CRAT: variants seen among roughly 807,000 people sequenced by gnomAD.
CRAT encodes the protein carnitine O-acetyltransferase, also known as carnitine acetylase.
A neutral mutation model predicts 73.7 loss-of-function variants in CRAT; 66 were observed. The observed-to-expected ratio is 0.90, with a 90% CI of 0.73 to 1.10. The LOEUF is 1.10. Among genes scored for constraint, CRAT ranks in the 50% least tolerant of loss-of-function variants. The pLI is 0.00. For synonymous variants in CRAT, 321 were observed against 343.2 expected (o/e 0.94, Z 0.71); for missense variants, 745 against 846.9 (o/e 0.88, Z 1.49).
chr9:129,109,143 C>T (rs1417473721), intron 1 of CRAT: 10 of 1,303,776 alleles, frequency 7.7e-6, no homozygotes, highest in Admixed American at 4.6e-5. Context: ...GGGCTCAGTG[C>T]CAGGGAGTCA....
chr9:129,108,240 C>T (rs1421746178), intron 1 of CRAT, among the ~76,000 whole-genome samples, 163 bp from the exon 2 acceptor site: 1 of 152,142 alleles, frequency 6.6e-6, no homozygotes, highest in African/African-American at 2.4e-5. Context: ...TAGGTGTCCC[C>T]GCCTCTCTGG....
intron 1 of CRAT, chr9:129,108,664 G>T: frequency 7.9e-7 from 1 of 1,260,418 alleles, no homozygotes; most frequent in Non-Finnish European, 1.0e-6. Context: ...GGCAGAGAGA[G>T]AAAGAGAAAG....
chr9:129,100,628 A>G lies in CRAT; in HGVS notation c.867T>C (p.Asp289=), dbSNP rs756771838. The G allele has an allele frequency of 1.1e-5, 17 of 1,613,962 alleles. No homozygotes were observed. Among genetic ancestry groups the G allele is most frequent in the Non-Finnish European group, 1.4e-5 (17 of 1,179,986 alleles). ...CTTCTGAGACCCTGGGCATGGTTGC[A>G]TCTAGGCACACGGTGAAGATGCTCT... ...IQKSIFTVCL[D]ATMPRVSEDV... Residue 289 remains aspartate (D), a synonymous_variant, in exon 7 of 14, where the codon GAT becomes GAC. Coordinates refer to ENST00000318080, the MANE Select transcript of CRAT (RefSeq NM_000755.5).
chr9:129,101,413 C>T (rs767884216), intron 6 of CRAT, among the ~76,000 whole-genome samples: 9 of 152,150 alleles, frequency 5.9e-5, no homozygotes, highest in Admixed American at 1.3e-4. Flanking sequence ...ATGCTCAGAG[C>T]GAGACCCGCT....
intron 11 of CRAT, among the ~76,000 whole-genome samples, chr9:129,097,611 A>T (rs746792026): frequency 4.4e-4 from 67 of 152,024 alleles, no homozygotes; most frequent in Non-Finnish European, 8.5e-4. Context: ...TGGGAGGCTG[A>T]GGCAGGAGGA....
At position 129,103,894 on chromosome 9, in the gene CRAT, C is replaced by T. The variant is rs896588773; in HGVS notation, c.410+294G>A. On this transcript the variant is annotated intron_variant, in intron 3 of 13. Transcript: ENST00000318080. The surrounding 1 kb of genome is among the most constrained non-coding windows in gnomAD (Gnocchi z 4.6). Reference sequence around the variant, plus strand: ...AGAGGTGAAGTGCTAAAACTGGGGTCGGGGAGAAGCCTCAGGTATGGAGGA... The same window carrying T: ...AGAGGTGAAGTGCTAAAACTGGGGTTGGGGAGAAGCCTCAGGTATGGAGGA... Among the ~76,000 whole-genome samples the T allele has an allele frequency of 2.6e-4, 39 of 152,008 alleles. No individual in the cohort carries two copies. The highest frequency in any genetic ancestry group is 9.2e-4 in the African/African-American group (38 of 41,370).
In CRAT at chr9:129,096,097, G is replaced by A. The variant is rs369146440; in HGVS notation, c.1566C>T (p.Gly522=). 6.2e-7 allele frequency: 1 copy of A among 1,613,712 alleles called. No homozygotes were observed. The highest frequency in any genetic ancestry group is 1.3e-5 in the African/African-American group (1 of 74,944). The change falls in exon 13 of 14, where the codon GGC becomes GGT. Residue 522 remains glycine, a synonymous_variant. Transcript: ENST00000318080. ...GGTCCTCGATGGCCTGCAGCTTCAG[G>A]CCCAGCAGGTGTCGATCAAAGGCCT... ...RGEAFDRHLL[G]LKLQAIEDLV...
At chr9:129,096,344 A>C (rs1240365316) in intron 12 of CRAT, among the ~76,000 whole-genome samples, 4 of 152,252 alleles carry the variant, frequency 2.6e-5, no homozygotes, top group Admixed American at 2.6e-4. Flanking sequence ...GAGGCAGGAA[A>C]GTGCAGGGTT....
At position 129,103,836 on chromosome 9, in the gene CRAT, C is replaced by A. The variant is rs937847996; in HGVS notation, c.410+352G>T. On this transcript the variant is annotated intron_variant, in intron 3 of 13. Transcript: ENST00000318080. The surrounding 1 kb of genome is among the most constrained non-coding windows in gnomAD (Gnocchi z 4.6). ...GGAAAAGAGGACTGTGTACAGAGGT[C>A]ACCCCTGTGGCTAGCTGAGAAGAGT... Among the ~76,000 whole-genome samples the A allele has an allele frequency of 1.3e-5, 2 of 152,102 alleles. No individual in the cohort carries two copies. The highest frequency in any genetic ancestry group is 4.8e-5 in the African/African-American group (2 of 41,402).
At position 129,095,625 on chromosome 9, in the gene CRAT, G is replaced by T; in HGVS notation, c.1666-13C>A. The T allele has an allele frequency of 6.2e-7, 1 of 1,609,628 alleles. No homozygotes were observed. The highest frequency in any genetic ancestry group is 8.5e-7 in the Non-Finnish European group (1 of 1,178,348). On this transcript the variant is annotated splice_polypyrimidine_tract_variant and intron_variant, in intron 13 of 13. Transcript: ENST00000318080. ...TCTTGGCAGGGACCTGGGGACGGCA[G>T]GATGAAAGCTCTCAGCTCCCCTACC...
chr9:129,095,195 T>C lies in CRAT; in HGVS notation c.*202A>G. 1.6e-6 allele frequency: 1 copy of C among 623,764 alleles called. No individual in the cohort carries two copies. Among genetic ancestry groups the C allele is most frequent in the Non-Finnish European group, 2.8e-6 (1 of 360,098 alleles). The allele number at this position is 623,764 out of a possible 1,614,324, so 38.6% of individuals were successfully genotyped here. ...CTGCACTCAGCCCCAGGTCGGGCCC[T>C]GGCAGGTGCTGGGATGACCCACGGA... On this transcript the variant is annotated 3_prime_UTR_variant, in exon 14 of 14. Coordinates refer to ENST00000318080, the MANE Select transcript of CRAT (RefSeq NM_000755.5).
intron 6 of CRAT, among the ~76,000 whole-genome samples, 171 bp from the exon 7 acceptor site, chr9:129,100,860 G>C (rs1012816255): frequency 4.6e-5 from 7 of 152,322 alleles, no homozygotes; most frequent in Non-Finnish European, 8.8e-5. Flanking sequence ...CAAGTGCAGG[G>C]TGTGGGTTCA....
At chr9:129,109,301 G>GA in intron 1 of CRAT, 1 of 1,302,334 alleles carries the variant, frequency 7.7e-7, no homozygotes, top group Non-Finnish European at 1.0e-6. Context: ...TGGTGCAAGG[G>GA]AGCAGACACC....
In CRAT at chr9:129,100,994, C is replaced by T. The variant is rs555379505; in HGVS notation, c.806-305G>A. Reference sequence around the variant, plus strand: ...GTCACATGGGAGCTGGTGTGGCAGCCGGGGAACCCACACAGGTGGTCTGAC... The same window carrying T: ...GTCACATGGGAGCTGGTGTGGCAGCTGGGGAACCCACACAGGTGGTCTGAC... On this transcript the variant is annotated intron_variant, in intron 6 of 13. Coordinates refer to ENST00000318080, the MANE Select transcript of CRAT (RefSeq NM_000755.5). Among the ~76,000 whole-genome samples the T allele has an allele frequency of 4.6e-5, 7 of 152,338 alleles. No homozygotes were observed. In the South Asian group the frequency reaches 1.0e-3, roughly 23 times the overall value.
At chr9:129,104,072 C>T in intron 3 of CRAT, 116 bp downstream of exon 3, 1 of 669,304 alleles carries the variant, frequency 1.5e-6, no homozygotes, top group Non-Finnish European at 2.6e-6. Context: ...CTCCCTACTT[C>T]ATAAGGCTGC....
In CRAT at chr9:129,103,862, G is replaced by A. The variant is rs1847834900; in HGVS notation, c.410+326C>T. ...ACCCCTGTGGCTAGCTGAGAAGAGT[G>A]GAAAGGAGAGGTGAAGTGCTAAAAC... On this transcript the variant is annotated intron_variant, in intron 3 of 13. Coordinates refer to ENST00000318080, the MANE Select transcript of CRAT (RefSeq NM_000755.5). The surrounding 1 kb of genome is among the most constrained non-coding windows in gnomAD (Gnocchi z 4.6). 6.6e-6 allele frequency among the ~76,000 whole-genome samples: 1 copy of A among 152,154 alleles called. No homozygotes were observed.
At chr9:129,102,361 C>T (rs1195767980) in intron 5 of CRAT, 39 bp downstream of exon 5, 2 of 1,611,510 alleles carry the variant, frequency 1.2e-6, no homozygotes, top group Admixed American at 1.7e-5. Flanking sequence ...ACTCCTGCAG[C>T]AGGGCCGGGG....
At chr9:129,102,300 A>G in intron 5 of CRAT, 100 bp downstream of exon 5, 4 of 1,504,372 alleles carry the variant, frequency 2.7e-6, no homozygotes, top group Middle Eastern at 2.1e-4. Context: ...GCACGTGGGC[A>G]CGTGTGCTGG....
Position 129,107,236 on chromosome 9 carries a change from G to C in CRAT, c.291+578C>G, listed in dbSNP as rs770400669. On this transcript the variant is annotated intron_variant, in intron 2 of 13. Transcript: ENST00000318080. This position sits in a 1 kb window ranked among gnomAD's most constrained non-coding sequence, Gnocchi z 5.0. ...TTTAGTAGAGACAGGGTTTCATCAT[G>C]TTGGCCAGGCTGGTCCCGAACTCCT... The C allele has an allele frequency of 5.1e-6, 1 of 196,824 alleles. No homozygotes were observed. The highest frequency in any genetic ancestry group is 2.3e-5 in the African/African-American group (1 of 42,936). The allele number at this position is 196,824 out of a possible 1,614,324, so 12.2% of individuals were successfully genotyped here. A position where few individuals can be genotyped will look rare whatever the true frequency, so the allele number is the denominator to read the frequency against.
Sources: gnomAD v4.1 joint callset for allele counts (sites outside exome capture counted in the v4.1 genomes callset) on GRCh38, gnomAD v4.1.1 for gene constraint, Gnocchi (gnomAD v3.1) non-coding constraint, MANE v1.5 for transcripts, NCBI Gene and HGNC (gene_info 2026-07-23, HGNC 2026-07-21) for gene names.